KCTD8: variants seen among roughly 807,000 people sequenced by gnomAD.
The protein encoded by KCTD8 is BTB/POZ domain-containing protein KCTD8.
KCTD8 carries 27 observed loss-of-function variants against 31.5 expected under a neutral mutation model. That is an observed-to-expected ratio of 0.86 (90% CI 0.63 to 1.18). KCTD8 has a LOEUF of 1.18. KCTD8 is among the 50% of genes most tolerant of loss of function. KCTD8 has a pLI of 0.00. For missense variants in KCTD8, 658 were observed against 647.7 expected (o/e 1.02, Z -0.17); for synonymous variants, 290 against 280.0 (o/e 1.04, Z -0.36).
chr4:44,427,176 T>A (rs1003149335), intron 1 of KCTD8, among the ~76,000 whole-genome samples: 1 of 151,614 alleles, frequency 6.6e-6, no homozygotes. Flanking sequence ...GTGATGGTTA[T>A]GAACCAAATA....
At chr4:44,423,873 C>T (rs1177195886) in intron 1 of KCTD8, among the ~76,000 whole-genome samples, 2 of 152,090 alleles carry the variant, frequency 1.3e-5, no homozygotes, top group South Asian at 2.1e-4. Context: ...AGGTATTTAA[C>T]AAGACCTCTG....
intron 1 of KCTD8, among the ~76,000 whole-genome samples, chr4:44,226,884 G>GT (rs1338112344): frequency 5.3e-5 from 8 of 150,604 alleles, no homozygotes; most frequent in African/African-American, 2.0e-4. Context: ...TTTAGATGGA[G>GT]TTGTTTTTTT....
At chr4:44,238,858 T>C (rs1715366654) in intron 1 of KCTD8, among the ~76,000 whole-genome samples, 2 of 152,188 alleles carry the variant, frequency 1.3e-5, no homozygotes, top group South Asian at 4.1e-4. Context: ...ATCAAGATGA[T>C]CTAATAAGTT....
chr4:44,447,527 G>A, intron 1 of KCTD8, 36 bp downstream of exon 1: 3 of 1,499,064 alleles, frequency 2.0e-6, no homozygotes, highest in Non-Finnish European at 1.8e-6. Flanking sequence ...AGCAGGGGGC[G>A]AGGGGTGCTG....
chr4:44,257,034 T>G (rs1242959259), intron 1 of KCTD8, among the ~76,000 whole-genome samples: 4 of 152,084 alleles, frequency 2.6e-5, no homozygotes, highest in Admixed American at 6.6e-5. Flanking sequence ...TATGATCTAA[T>G]TTACATAACA....
intron 1 of KCTD8, among the ~76,000 whole-genome samples, chr4:44,304,506 C>T (rs780137000): frequency 3.9e-5 from 6 of 152,082 alleles, no homozygotes; most frequent in Non-Finnish European, 8.8e-5. Context: ...TCAGTAGTTT[C>T]ACATAACATC....
At chr4:44,179,168 T>G (rs1713303350) in intron 1 of KCTD8, among the ~76,000 whole-genome samples, 1 of 152,126 alleles carries the variant, frequency 6.6e-6, no homozygotes, top group South Asian at 2.1e-4. Context: ...TTTCTTTCAC[T>G]TTTTACTTTC....
chr4:44,192,127 C>T (rs571216442), intron 1 of KCTD8, among the ~76,000 whole-genome samples: 29 of 152,236 alleles, frequency 1.9e-4, no homozygotes, highest in African/African-American at 4.6e-4. Context: ...ATATTGGGGG[C>T]GGGTTCCCCC....
At position 44,308,244 on chromosome 4, in the gene KCTD8, A is replaced by G. The variant is rs113204106; in HGVS notation, c.962-132994T>C. The stretch of plus-strand genomic sequence containing the variant: ...GAAAGCAGAACTTTCAAACTGGTAT[A>G]TCGATATAGTATAATCAATCATTCA... On this transcript the variant is annotated intron_variant, in intron 1 of 1. Coordinates refer to ENST00000360029, the MANE Select transcript of KCTD8 (RefSeq NM_198353.3). 7.1e-3 allele frequency among the ~76,000 whole-genome samples: 1,078 copies of G among 152,180 alleles called. 17 individuals are homozygous for G. Among genetic ancestry groups the G allele is most frequent in the African/African-American group, 0.025 (1,022 of 41,528 alleles).
intron 1 of KCTD8, among the ~76,000 whole-genome samples, chr4:44,217,572 G>T (rs1158900849): frequency 2.0e-5 from 3 of 152,156 alleles, no homozygotes; most frequent in African/African-American, 7.2e-5. Flanking sequence ...TGCTGCCAGA[G>T]AAGATTAACA....
At chr4:44,232,270 G>T (rs1715141130) in intron 1 of KCTD8, among the ~76,000 whole-genome samples, 1 of 151,974 alleles carries the variant, frequency 6.6e-6, no homozygotes, top group South Asian at 2.1e-4. Context: ...TCTCTTAATG[G>T]TTAATTTTTC....
intron 1 of KCTD8, among the ~76,000 whole-genome samples, chr4:44,405,212 A>AAT (rs1720758531): frequency 6.6e-6 from 1 of 151,618 alleles, no homozygotes; most frequent in South Asian, 2.1e-4. Context: ...TGCTCTTATT[A>AAT]AGGGACAAAG....
chr4:44,260,885 C>T (rs188950942), intron 1 of KCTD8, among the ~76,000 whole-genome samples: 4 of 151,932 alleles, frequency 2.6e-5, no homozygotes, highest in African/African-American at 4.8e-5. Flanking sequence ...AATATTACTC[C>T]GGTTGCTGTG....
intron 1 of KCTD8, among the ~76,000 whole-genome samples, chr4:44,409,197 G>A (rs2109462367): frequency 6.7e-6 from 1 of 148,674 alleles, no homozygotes; most frequent in African/African-American, 2.5e-5. Flanking sequence ...GTACTCAGCT[G>A]GGCAATAGAG....
chr4:44,220,759 G>A (rs1304036750), intron 1 of KCTD8, among the ~76,000 whole-genome samples: 8 of 152,102 alleles, frequency 5.3e-5, no homozygotes, highest in Middle Eastern at 3.2e-3. Flanking sequence ...TGGTATGTGA[G>A]GGAAATGAAC....
At chr4:44,384,937 A>G (rs915021723) in intron 1 of KCTD8, among the ~76,000 whole-genome samples, 1 of 151,690 alleles carries the variant, frequency 6.6e-6, no homozygotes, top group African/African-American at 2.4e-5. Flanking sequence ...TCAATTAAAA[A>G]TAATAGCAAG....
intron 1 of KCTD8, among the ~76,000 whole-genome samples, chr4:44,364,280 T>C (rs780516850): frequency 1.5e-4 from 23 of 152,218 alleles, no homozygotes; most frequent in Middle Eastern, 3.4e-3. Flanking sequence ...TTAAAATATT[T>C]GAATAGACAC....
intron 1 of KCTD8, among the ~76,000 whole-genome samples, chr4:44,419,409 G>C (rs191880348): frequency 6.6e-6 from 1 of 152,268 alleles, no homozygotes; most frequent in Non-Finnish European, 1.5e-5. Flanking sequence ...CCCTTCATTA[G>C]GGTATGAGTG....
intron 1 of KCTD8, among the ~76,000 whole-genome samples, chr4:44,360,100 G>A (rs569358508): frequency 6.6e-6 from 1 of 151,730 alleles, no homozygotes; most frequent in African/African-American, 2.4e-5. Context: ...GAAGTTAGCG[G>A]CAATACAAAA....
Sources: allele counts gnomAD v4.1 joint callset (sites outside exome capture counted in the v4.1 genomes callset), GRCh38; gene constraint gnomAD v4.1.1; transcripts MANE v1.5; gene names NCBI Gene and HGNC (gene_info 2026-07-23, HGNC 2026-07-21).